Variants in FAT1 observed in about 807,000 individuals in gnomAD.
FAT1 encodes protocadherin Fat 1.
A neutral mutation model predicts 329.8 loss-of-function variants in FAT1; 171 were observed. That is an observed-to-expected ratio of 0.52 (90% confidence interval 0.46 to 0.59). The LOEUF (loss-of-function observed/expected upper bound fraction) is 0.59, where lower values mean the gene tolerates loss of function less well. FAT1 is among the 20% of genes least tolerant of loss of function. The probability of loss-of-function intolerance (pLI) is 0.00; values close to 1 mark genes in which losing one functional copy is unlikely to be tolerated. For missense variants in FAT1, 5,672 were observed against 5,774.4 expected, an observed-to-expected ratio of 0.98 and a Z score of 0.57; for synonymous variants, 2,233 against 2,228.6, an observed-to-expected ratio of 1.00 and a Z score of -0.06.
chr4:186,655,530 G>A (rs567875064), intron 3 of FAT1, among the ~76,000 whole-genome samples: 2 of 152,066 alleles, frequency 1.3e-5, no homozygotes, highest in South Asian at 2.1e-4. Context: ...TGCCTCCTGG[G>A]TTCAAGCTAT....
rs764938680 is a variant in FAT1, at chr4:186,613,312, C to T, written c.9260G>A (p.Arg3087His). The T allele has an allele frequency of 9.3e-6, 15 of 1,613,962 alleles. No individual in the cohort carries two copies. The highest frequency in any genetic ancestry group is 1.2e-5 in the Non-Finnish European group (14 of 1,179,860). The change falls in exon 13 of 27, where the codon CGT (arginine) becomes CAT (histidine). Residue 3087 changes from arginine to histidine, a missense_variant. Around this residue, in one of 2 missense-constraint regions of FAT1, gnomAD observed 3,966 missense variants for 3,915.2 expected, o/e 1.01. Coordinates refer to ENST00000441802, the MANE Select transcript of FAT1 (RefSeq NM_005245.4). Reference protein sequence around the residue: ...GELKTSTPLDREEQAVYHLLV... With the variant: ...GELKTSTPLDHEEQAVYHLLV... The stretch of plus-strand genomic sequence containing the variant: ...AAGATGATAAACAGCTTGCTCCTCA[C>T]GATCAAGGGGGGTTGACGTTTTCAG...
intron 1 of FAT1, among the ~76,000 whole-genome samples, chr4:186,717,775 C>T (rs184797102): frequency 1.3e-5 from 2 of 152,264 alleles, no homozygotes; most frequent in Admixed American, 1.3e-4. Context: ...AGGTAGGCAG[C>T]GGCTGTGTGT....
chr4:186,618,454 G>A lies in FAT1; in HGVS notation c.8132C>T (p.Thr2711Ile), dbSNP rs1439053982. The A allele has an allele frequency of 6.2e-7, 1 of 1,614,020 alleles. No homozygotes were observed. The highest frequency in any genetic ancestry group is 8.5e-7 in the Non-Finnish European group (1 of 1,179,890). Reference sequence around the variant, plus strand: ...TCCAATAGGCACGTCCTCTGACACTGTAAAGGTATAGAAAGGTTCTGAAAA... The same window carrying A: ...TCCAATAGGCACGTCCTCTGACACTATAAAGGTATAGAAAGGTTCTGAAAA... ...PKFSEPFYTFTVSEDVPIGTE... is the reference protein window; with the variant it reads ...PKFSEPFYTFIVSEDVPIGTE... Residue 2711 changes from threonine to isoleucine, a missense_variant, in exon 10 of 27, where the codon ACA (threonine) becomes ATA (isoleucine). Coordinates refer to ENST00000441802, the MANE Select transcript of FAT1 (RefSeq NM_005245.4).
Position 186,708,134 on chromosome 4 carries a change from T to G in FAT1, c.1694A>C (p.Asn565Thr). The part of the protein sequence containing the change: ...ATITLNNLND[N>T]TPLFEKINCE... ...ATTTATTTTCTCAAACAAAGGTGTGTTGTCATTCAAGTTATTGAGAGTAAT... is the reference window on the plus strand; with the variant it reads ...ATTTATTTTCTCAAACAAAGGTGTGGTGTCATTCAAGTTATTGAGAGTAAT... Residue 565 changes from asparagine to threonine, a missense_variant, in exon 2 of 27, where the codon AAC becomes ACC. Asn to Thr is a moderately conservative substitution (Grantham distance 65). Around this residue, in one of 2 missense-constraint regions of FAT1, gnomAD observed 3,966 missense variants for 3,915.2 expected, o/e 1.01. Transcript: ENST00000441802. 6.2e-7 allele frequency: 1 copy of G among 1,613,960 alleles called. No homozygotes were observed. The highest frequency in any genetic ancestry group is 8.5e-7 in the Non-Finnish European group (1 of 1,179,892).
intron 3 of FAT1, among the ~76,000 whole-genome samples, chr4:186,659,230 G>A (rs896034152): frequency 2.0e-5 from 3 of 152,172 alleles, no homozygotes; most frequent in African/African-American, 7.2e-5. Flanking sequence ...ATCTAGGTTT[G>A]GGTAAGTACA....
At position 186,592,872 on chromosome 4, in the gene FAT1, T is replaced by A. The variant is rs1194215100; in HGVS notation, c.13138+2817A>T. The A allele has an allele frequency of 4.8e-6, 2 of 413,164 alleles. 1 individual carries two copies. 25.6% of individuals were successfully genotyped at this position (413,164 alleles called of 1,614,324 possible). On this transcript the variant is annotated intron_variant, in intron 26 of 26. Transcript: ENST00000441802. Reference sequence around the variant, plus strand: ...CTCAGATTCCAACCGATGAGTGCTTTAATACAACCACATAATGATGCGTGG... The same window carrying A: ...CTCAGATTCCAACCGATGAGTGCTTAAATACAACCACATAATGATGCGTGG...
upstream of FAT1, among the ~76,000 whole-genome samples, chr4:186,725,975 A>C (rs1447369104): frequency 2.6e-5 from 4 of 152,266 alleles, no homozygotes. This position sits in a 1 kb window ranked among gnomAD's most constrained non-coding sequence, Gnocchi z 5.4. Context: ...GCCTCCGCAC[A>C]GAACCCTGCA....
At chr4:186,605,190 T>G (rs551147404) in intron 17 of FAT1, among the ~76,000 whole-genome samples, 30 of 125,510 alleles carry the variant, frequency 2.4e-4, no homozygotes, top group African/African-American at 8.8e-4. Context: ...CACTCTAGCC[T>G]GGGCAATGAG....
chr4:186,600,391 C>A, intron 21 of FAT1, 31 bp from the exon 22 acceptor site: 1 of 1,556,830 alleles, frequency 6.4e-7, no homozygotes, highest in South Asian at 1.2e-5. Flanking sequence ...GTTCACATTA[C>A]TCTCATAGAA....
intron 1 of FAT1, among the ~76,000 whole-genome samples, chr4:186,720,188 A>G (rs1252458431): frequency 6.6e-6 from 1 of 152,222 alleles, no homozygotes; most frequent in African/African-American, 2.4e-5. Flanking sequence ...TTCCCTTCCG[A>G]AAGATAATGC....
At position 186,603,947 on chromosome 4, in the gene FAT1, A is replaced by C. The variant is rs756062508; in HGVS notation, c.10579T>G (p.Ser3527Ala). ...ACCCTAATGTCAATGTATGTCAAAG[A>C]TGACAACTGAGGCTTTCCATTATCT... is the stretch of plus-strand genomic sequence containing the variant. ...VADNGKPQLS[S>A]LTYIDIRVIE... The change falls in exon 19 of 27, where the codon TCT becomes GCT. Residue 3527 changes from serine (S) to alanine (A), a missense_variant. By Grantham distance (99) the Ser-to-Ala change is moderately conservative. This residue lies in a region of FAT1 where 1,706 missense variants were observed against 1,859.1 expected (regional missense o/e 0.92). Transcript: ENST00000441802. The C allele has an allele frequency of 6.2e-7, 1 of 1,613,546 alleles. No homozygotes were observed. The highest frequency in any genetic ancestry group is 8.5e-7 in the Non-Finnish European group (1 of 1,179,502).
chr4:186,625,428 A>G (rs186082484), intron 9 of FAT1, among the ~76,000 whole-genome samples: 146 of 152,376 alleles, frequency 9.6e-4, no homozygotes, highest in African/African-American at 3.3e-3. Context: ...GAAATTTCAA[A>G]TATGTTAAAT....
At chr4:186,608,339 T>C (rs1044559259) in intron 16 of FAT1, among the ~76,000 whole-genome samples, 2 of 152,232 alleles carry the variant, frequency 1.3e-5, no homozygotes, top group African/African-American at 4.8e-5. Context: ...ACAGTATCAA[T>C]GCAATGTAAA....
rs375998390 is a variant in FAT1 at position 186,613,313 on chromosome 4, G to C, written c.9259C>G (p.Arg3087Gly). The part of the protein sequence containing the change: ...GELKTSTPLD[R>G]EEQAVYHLLV... Reference sequence around the variant, plus strand: ...AGATGATAAACAGCTTGCTCCTCACGATCAAGGGGGGTTGACGTTTTCAGT... The same window carrying C: ...AGATGATAAACAGCTTGCTCCTCACCATCAAGGGGGGTTGACGTTTTCAGT... The change falls in exon 13 of 27, where the codon CGT (arginine) becomes GGT (glycine). Residue 3087 changes from arginine to glycine, a missense_variant. Physicochemically the swap from Arg to Gly is moderately radical, Grantham distance 125. Around this residue, in one of 2 missense-constraint regions of FAT1, gnomAD observed 3,966 missense variants for 3,915.2 expected, o/e 1.01. Transcript: ENST00000441802. 1.2e-6 allele frequency: 2 copies of C among 1,613,848 alleles called. No homozygotes were observed. The highest frequency in any genetic ancestry group is 2.7e-5 in the African/African-American group (2 of 74,912).
At chr4:186,590,234 G>T in intron 26 of FAT1, 1 of 408,810 alleles carries the variant, frequency 2.4e-6, no homozygotes, top group South Asian at 1.9e-5. Context: ...AATGCAATGC[G>T]CACACACATG....
chr4:186,592,932 T>C lies in FAT1; in HGVS notation c.13138+2757A>G, dbSNP rs150920256. Reference sequence around the variant, plus strand: ...TGTTAGCTGTGTGTCTCAGAGACTTTTTTAATCGAGCTATATATTTGTTAT... The same window carrying C: ...TGTTAGCTGTGTGTCTCAGAGACTTCTTTAATCGAGCTATATATTTGTTAT... On this transcript the variant is annotated intron_variant, in intron 26 of 26. Transcript: ENST00000441802. Among the ~76,000 whole-genome samples the C allele has an allele frequency of 4.5e-3, 685 of 152,366 alleles. 2 individuals carry two copies. Among genetic ancestry groups the C allele is most frequent in the Admixed American group, 5.6e-3 (86 of 15,312 alleles).
intron 3 of FAT1, among the ~76,000 whole-genome samples, chr4:186,648,227 C>T (rs960155190): frequency 6.6e-6 from 1 of 151,950 alleles, no homozygotes; most frequent in Non-Finnish European, 1.5e-5. Context: ...TCATTTTATA[C>T]ACTACTTTAT....
chr4:186,592,710 T>C, intron 26 of FAT1: 1 of 456,738 alleles, frequency 2.2e-6, no homozygotes. Flanking sequence ...GCTCACCGTG[T>C]CAACCACAGC....
intron 2 of FAT1, among the ~76,000 whole-genome samples, chr4:186,697,468 C>T (rs1744092544): frequency 6.6e-6 from 1 of 152,092 alleles, no homozygotes; most frequent in South Asian, 2.1e-4. Context: ...TTTATTTGTG[C>T]CGTATGCCTC....
Sources: allele counts gnomAD v4.1 joint callset (sites outside exome capture counted in the v4.1 genomes callset), GRCh38; gene constraint gnomAD v4.1.1; regional missense constraint gnomAD v4.1.1; non-coding constraint Gnocchi (gnomAD v3.1); transcripts MANE v1.5; gene names NCBI Gene and HGNC (gene_info 2026-07-23, HGNC 2026-07-21).